Variants in CNTN4 observed in about 807,000 individuals in gnomAD.
CNTN4 encodes the protein contactin-4.
Under a neutral mutation model 122.5 loss-of-function variants are expected in CNTN4, and 77 were observed. That is an observed-to-expected ratio of 0.63 (90% CI 0.52 to 0.76). CNTN4 has a LOEUF of 0.76. CNTN4 is among the 30% of genes least tolerant of loss of function. CNTN4 has a pLI of 0.00. For missense variants in CNTN4, 1,256 were observed against 1,259.1 expected (o/e 1.00, Z 0.04); for synonymous variants, 512 against 447.0 (o/e 1.15, Z -1.83).
chr3:2,185,896 T>G (rs574223879), intron 2 of CNTN4, among the ~76,000 whole-genome samples: 1 of 152,060 alleles, frequency 6.6e-6, no homozygotes, highest in African/African-American at 2.4e-5. Flanking sequence ...CTTGGAACCA[T>G]TGGTCTTTTC....
intron 2 of CNTN4, among the ~76,000 whole-genome samples, chr3:2,140,124 C>T (rs537261642): frequency 6.6e-6 from 1 of 152,304 alleles, no homozygotes; most frequent in Non-Finnish European, 1.5e-5. Context: ...CTTTGCCTTC[C>T]ACCATGCTTG....
intron 20 of CNTN4, among the ~76,000 whole-genome samples, chr3:3,041,473 T>C (rs1376780553): frequency 2.0e-5 from 3 of 152,210 alleles, no homozygotes; most frequent in African/African-American, 4.8e-5. Context: ...GAGAGCTGGA[T>C]GACACTTCAG....
intron 2 of CNTN4, among the ~76,000 whole-genome samples, chr3:2,121,280 A>G (rs1312612020): frequency 1.3e-5 from 2 of 152,140 alleles, no homozygotes; most frequent in Non-Finnish European, 2.9e-5. Context: ...CGGGCAGATC[A>G]CGAGGTCAGA....
chr3:2,620,729 A>G (rs2081959008), intron 4 of CNTN4, among the ~76,000 whole-genome samples: 2 of 152,102 alleles, frequency 1.3e-5, no homozygotes, highest in African/African-American at 4.8e-5. Context: ...ACTTTAGAAA[A>G]TCTGAAAACC....
chr3:2,208,093 T>C (rs1315798992), intron 2 of CNTN4, among the ~76,000 whole-genome samples: 1 of 152,206 alleles, frequency 6.6e-6, no homozygotes, highest in Non-Finnish European at 1.5e-5. Context: ...CTTTCAGCTC[T>C]AATTATTTAA....
intron 3 of CNTN4, among the ~76,000 whole-genome samples, chr3:2,394,467 A>G (rs975561370): frequency 5.3e-5 from 8 of 152,222 alleles, no homozygotes; most frequent in African/African-American, 1.7e-4. Flanking sequence ...GTACACATGA[A>G]AAAAGTGCTC....
At chr3:2,192,452 A>G (rs1199423389) in intron 2 of CNTN4, among the ~76,000 whole-genome samples, 1 of 152,214 alleles carries the variant, frequency 6.6e-6, no homozygotes, top group Non-Finnish European at 1.5e-5. Flanking sequence ...TAATTAAACT[A>G]AAGAGCTTCT....
intron 6 of CNTN4, among the ~76,000 whole-genome samples, chr3:2,782,366 T>C (rs763999175): frequency 1.6e-4 from 24 of 152,108 alleles, no homozygotes; most frequent in Non-Finnish European, 3.1e-4. Flanking sequence ...CCTTTCAGTC[T>C]GCCTTCCATG....
intron 3 of CNTN4, among the ~76,000 whole-genome samples, chr3:2,439,654 GTGTC>G (rs1170815491): frequency 1.3e-5 from 2 of 152,092 alleles, no homozygotes; most frequent in Admixed American, 6.6e-5. Flanking sequence ...GCTTGTGTGT[GTGTC>G]TGTATCTGAT....
intron 2 of CNTN4, among the ~76,000 whole-genome samples, chr3:2,216,999 C>G (rs889638114): frequency 6.6e-6 from 1 of 152,144 alleles, no homozygotes; most frequent in African/African-American, 2.4e-5. Context: ...ATTAAAAGCT[C>G]TTGGCCCCAC....
At chr3:2,922,677 A>G (rs2094440320) in intron 12 of CNTN4, among the ~76,000 whole-genome samples, 1 of 142,202 alleles carries the variant, frequency 7.0e-6, no homozygotes, top group Non-Finnish European at 1.5e-5. Context: ...CAGTGGCACG[A>G]TCTTGGCTCA....
chr3:2,516,671 T>C (rs1340227547), intron 3 of CNTN4, among the ~76,000 whole-genome samples: 1 of 152,152 alleles, frequency 6.6e-6, no homozygotes, highest in African/African-American at 2.4e-5. Flanking sequence ...TGCATGAAAT[T>C]TCTCTATGTT....
At chr3:2,357,386 C>T (rs2044917477) in intron 3 of CNTN4, among the ~76,000 whole-genome samples, 1 of 152,134 alleles carries the variant, frequency 6.6e-6, no homozygotes, top group Non-Finnish European at 1.5e-5. Context: ...TTCTGTTATA[C>T]CAACTTAAGG....
Position 3,030,838 on chromosome 3 carries a change from T to G in CNTN4, c.1663-17T>G. ...TCATTAAAAAGTAATTGCAGCCACT[T>G]TCCCCTACTTTATCAGCAGGATTCA... On this transcript the variant is annotated splice_polypyrimidine_tract_variant and intron_variant, in intron 15 of 24. Transcript: ENST00000418658. The G allele has an allele frequency of 6.2e-7, 1 of 1,613,758 alleles. No individual in the cohort carries two copies. The highest frequency in any genetic ancestry group is 8.5e-7 in the Non-Finnish European group (1 of 1,179,672).
At chr3:2,935,155 G>C (rs1332196853) in intron 13 of CNTN4, among the ~76,000 whole-genome samples, 1 of 152,166 alleles carries the variant, frequency 6.6e-6, no homozygotes, top group Non-Finnish European at 1.5e-5. Flanking sequence ...TTATTTTATG[G>C]CCAGGGTTAA....
intron 2 of CNTN4, among the ~76,000 whole-genome samples, chr3:2,253,377 A>T: frequency 6.6e-6 from 1 of 152,144 alleles, no homozygotes; most frequent in Non-Finnish European, 1.5e-5. Context: ...TATGGTATTT[A>T]TGAGAGCTGA....
chr3:2,472,508 G>A (rs1320032518), intron 3 of CNTN4, among the ~76,000 whole-genome samples: 1 of 152,098 alleles, frequency 6.6e-6, no homozygotes, highest in Non-Finnish European at 1.5e-5. Context: ...CAAAGTGCTG[G>A]GATTACTGGC....
chr3:2,485,764 G>C (rs2076141055), intron 3 of CNTN4, among the ~76,000 whole-genome samples: 1 of 152,162 alleles, frequency 6.6e-6, no homozygotes, highest in South Asian at 2.1e-4. Context: ...TCAGTGCTCT[G>C]TGTCTAGCTA....
chr3:2,911,613 CA>C (rs1419637958), intron 12 of CNTN4, among the ~76,000 whole-genome samples: 14 of 151,910 alleles, frequency 9.2e-5, no homozygotes, highest in Non-Finnish European at 2.1e-4. Flanking sequence ...TATCAATTAC[CA>C]AAGAATTCTA....
Sources: allele counts gnomAD v4.1 joint callset (sites outside exome capture counted in the v4.1 genomes callset), GRCh38; gene constraint gnomAD v4.1.1; transcripts MANE v1.5; gene names NCBI Gene and HGNC (gene_info 2026-07-23, HGNC 2026-07-21).